CCDC14: variants seen among roughly 807,000 people sequenced by gnomAD.
The protein encoded by CCDC14 is coiled-coil domain containing 14, also known as coiled-coil domain-containing protein 14.
Under a neutral mutation model 81.4 loss-of-function variants are expected in CCDC14, and 71 were observed. The ratio of observed to expected loss-of-function variants is 0.87; its 90% CI spans 0.72 to 1.06. The LOEUF (loss-of-function observed/expected upper bound fraction) is 1.06. CCDC14 is among the 50% of genes least tolerant of loss of function. The pLI is 0.00. For missense variants in CCDC14, 1,046 were observed against 1,047.3 expected, an observed-to-expected ratio of 1.00 and a Z score of 0.02; for synonymous variants, 332 against 364.8, an observed-to-expected ratio of 0.91 and a Z score of 1.03.
At chr3:123,890,862 AT>A in the CCDC14 span, among the ~76,000 whole-genome samples, 1 of 152,124 alleles carries the variant, frequency 6.6e-6, no homozygotes, top group Non-Finnish European at 1.5e-5. Flanking sequence ...CTGACCTCAC[AT>A]TTCCCTCCCA....
At chr3:123,911,285 T>A (rs2034439204), downstream of CCDC14, among the ~76,000 whole-genome samples, 1 of 152,196 alleles carries the variant, frequency 6.6e-6, no homozygotes, top group Admixed American at 6.5e-5. Flanking sequence ...TAGTGCCCGG[T>A]TCTCTACAAG....
chr3:123,906,157 A>G (rs2700368), intron 5 of CCDC14, among the ~76,000 whole-genome samples: 127,754 of 151,756 alleles, frequency 0.84, 54,161 homozygotes, highest in East Asian at 0.96. Context: ...GTGAAACCCC[A>G]TCTCTACTAA....
chr3:123,892,452 G>A (rs573075868), downstream of CCDC14, among the ~76,000 whole-genome samples: 13 of 151,964 alleles, frequency 8.6e-5, no homozygotes, highest in Non-Finnish European at 1.8e-4. Flanking sequence ...TGTGATAGGA[G>A]GGGCTACAGT....
downstream of CCDC14, among the ~76,000 whole-genome samples, chr3:123,893,549 TTGAA>T (rs1171737818): frequency 1.3e-5 from 2 of 152,318 alleles, no homozygotes; most frequent in South Asian, 2.1e-4. Flanking sequence ...TGAGTATTGT[TTGAA>T]TGACCATTTT....
the CCDC14 span, among the ~76,000 whole-genome samples, chr3:123,885,589 A>G: frequency 6.6e-6 from 1 of 151,902 alleles, no homozygotes; most frequent in Non-Finnish European, 1.5e-5. Context: ...TTGCACATTC[A>G]TGAGGCAATT....
At chr3:123,944,815 A>G (rs2036538478) in intron 9 of CCDC14, 34 bp downstream of exon 9, 2 of 1,580,140 alleles carry the variant, frequency 1.3e-6, no homozygotes, top group South Asian at 1.1e-5. Flanking sequence ...ACATCTTTGC[A>G]TACAGACAAA....
chr3:123,946,764 T>C, intron 8 of CCDC14, 39 bp downstream of exon 8: 1 of 1,560,698 alleles, frequency 6.4e-7, no homozygotes, highest in East Asian at 2.2e-5. Context: ...TGCTATTTAG[T>C]ATAACACCAT....
At chr3:123,940,982 G>A (rs1008091108) in intron 9 of CCDC14, among the ~76,000 whole-genome samples, 7 of 152,146 alleles carry the variant, frequency 4.6e-5, no homozygotes, top group Admixed American at 4.6e-4. Context: ...AAATTATGAA[G>A]ACAGAACCTG....
chr3:123,927,569 G>A (rs1416551289), intron 12 of CCDC14, among the ~76,000 whole-genome samples: 3 of 152,204 alleles, frequency 2.0e-5, no homozygotes, highest in African/African-American at 7.2e-5. Flanking sequence ...ATTCATAAGA[G>A]TGCAGTCAAT....
chr3:123,908,789 T>C (rs574233918), downstream of CCDC14, among the ~76,000 whole-genome samples: 3 of 152,126 alleles, frequency 2.0e-5, no homozygotes, highest in South Asian at 6.2e-4. Flanking sequence ...GAAACAATGA[T>C]CACAAGCTTT....
intron 9 of CCDC14, among the ~76,000 whole-genome samples, chr3:123,937,937 C>T (rs908977767): frequency 6.6e-6 from 1 of 151,806 alleles, no homozygotes; most frequent in African/African-American, 2.4e-5. Flanking sequence ...CACTGAATTT[C>T]TCTGATATCT....
intron 12 of CCDC14, among the ~76,000 whole-genome samples, chr3:123,919,666 CCA>C (rs1346536575): frequency 6.6e-6 from 1 of 152,134 alleles, no homozygotes; most frequent in East Asian, 1.9e-4. Context: ...AGGTAGCAGC[CCA>C]GTTAGAGAAC....
intron 12 of CCDC14, among the ~76,000 whole-genome samples, chr3:123,925,096 C>T (rs1455970746): frequency 2.7e-5 from 4 of 149,716 alleles, no homozygotes; most frequent in African/African-American, 7.4e-5. Context: ...TTAAGGAAAA[C>T]GTGGCATATA....
the CCDC14 span, among the ~76,000 whole-genome samples, chr3:123,887,223 A>G: frequency 6.6e-6 from 1 of 152,132 alleles, no homozygotes; most frequent in African/African-American, 2.4e-5. Flanking sequence ...CAGTTCTACA[A>G]TTCTAATCCT....
At chr3:123,886,707 T>C in the CCDC14 span, among the ~76,000 whole-genome samples, 1 of 152,152 alleles carries the variant, frequency 6.6e-6, no homozygotes, top group Non-Finnish European at 1.5e-5. Context: ...GAAGCTCTAG[T>C]TTCTTTTGTT....
intron 5 of CCDC14, among the ~76,000 whole-genome samples, chr3:123,907,562 A>C (rs1224814664): frequency 6.6e-6 from 1 of 151,696 alleles, no homozygotes; most frequent in Non-Finnish European, 1.5e-5. Flanking sequence ...AAAAAAAATC[A>C]AAAAAATTAG....
rs996261532 is a variant in CCDC14 at position 123,900,289 on chromosome 3, A to G, written c.668-2676T>C. Among the ~76,000 whole-genome samples the G allele has an allele frequency of 3.9e-5, 6 of 152,352 alleles. No homozygotes were observed. In the East Asian group the frequency reaches 7.7e-4, roughly 20 times the overall value. On this transcript the variant is annotated intron_variant, in intron 5 of 5. Transcript: ENST00000479903. ...GTTCTGAATTATCCCAGCATGTTTT[A>G]TAACGGTCTCCCACACACCCATGTA...
chr3:123,930,084 AT>A (rs879525742), intron 12 of CCDC14, among the ~76,000 whole-genome samples: 5 of 152,226 alleles, frequency 3.3e-5, no homozygotes, highest in Non-Finnish European at 7.3e-5. Flanking sequence ...ATTACAAAAA[AT>A]GTCTTGCTTT....
chr3:123,916,841 T>A (rs1016334635), intron 12 of CCDC14, among the ~76,000 whole-genome samples: 2 of 152,024 alleles, frequency 1.3e-5, no homozygotes, highest in East Asian at 1.9e-4. Flanking sequence ...GGCCATTTTT[T>A]ATTTTTTTAT....
Sources: allele counts gnomAD v4.1 joint callset (sites outside exome capture counted in the v4.1 genomes callset), GRCh38; gene constraint gnomAD v4.1.1; transcripts MANE v1.5; gene names NCBI Gene and HGNC (gene_info 2026-07-23, HGNC 2026-07-21).